Variants in PLCE1 observed in about 807,000 individuals in gnomAD.
PLCE1 encodes phospholipase C epsilon 1.
Under a neutral mutation model 242.8 loss-of-function variants are expected in PLCE1, and 119 were observed. The ratio of observed to expected loss-of-function variants is 0.49; its 90% CI spans 0.42 to 0.57. The LOEUF (loss-of-function observed/expected upper bound fraction) is 0.57. PLCE1 is among the 20% of genes least tolerant of loss of function. The pLI is 0.00. For missense variants in PLCE1, 2,441 were observed against 2,788.8 expected (o/e 0.88, Z 2.81); for synonymous variants, 945 against 1,017.4 (o/e 0.93, Z 1.35).
chr10:94,298,503 C>T lies in PLCE1; in HGVS notation c.5292C>T (p.Ala1764=), dbSNP rs755746574. The change falls in exon 24 of 33, where the codon GCC becomes GCT. Residue 1764 remains alanine, a synonymous_variant. Transcript: ENST00000371380. This position sits in a 1 kb window ranked among gnomAD's most constrained non-coding sequence, Gnocchi z 5.2. ...CYHISSLNEN[A]AKRLCRRYSQ... is the part of the protein sequence containing the mutation. The stretch of plus-strand genomic sequence containing the variant: ...ATATCTCGTCGCTGAATGAAAATGC[C>T]GCCAAACGTCTGTGTCGCAGGTATT... The T allele has an allele frequency of 3.1e-6, 5 of 1,614,000 alleles. No homozygotes were observed. Among genetic ancestry groups the T allele is most frequent in the South Asian group, 2.2e-5 (2 of 91,072 alleles).
At chr10:94,186,499 TTAAC>T (rs2048483427) in intron 4 of PLCE1, among the ~76,000 whole-genome samples, 1 of 152,258 alleles carries the variant, frequency 6.6e-6, no homozygotes, top group African/African-American at 2.4e-5. Context: ...CTGTATTGAA[TTAAC>T]TAACACTCTA....
At chr10:94,321,820 A>C (rs1435635291) in intron 29 of PLCE1, 81 bp from the exon 30 acceptor site, 8 of 1,017,390 alleles carry the variant, frequency 7.9e-6, no homozygotes, top group Non-Finnish European at 1.2e-5. Context: ...CCAAGATACA[A>C]GCTCAGATTT....
intron 4 of PLCE1, among the ~76,000 whole-genome samples, chr10:94,216,661 C>T (rs1475921516): frequency 1.3e-5 from 2 of 152,036 alleles, no homozygotes; most frequent in African/African-American, 4.8e-5. Context: ...ACACATTCTT[C>T]TCTAATTCAG....
intron 20 of PLCE1, 47 bp downstream of exon 20, chr10:94,279,958 G>A (rs1178805174): frequency 6.3e-7 from 1 of 1,596,466 alleles, no homozygotes; most frequent in Non-Finnish European, 8.6e-7. Context: ...ATTCTTGGAT[G>A]ATTTGCCACA....
intron 4 of PLCE1, among the ~76,000 whole-genome samples, chr10:94,176,736 T>C (rs1367765097): frequency 6.6e-6 from 1 of 152,186 alleles, no homozygotes; most frequent in African/African-American, 2.4e-5. Context: ...CAGTGTACTG[T>C]GGTAGATATG....
At chr10:94,236,831 A>C (rs1006290020) in intron 7 of PLCE1, among the ~76,000 whole-genome samples, 1 of 152,174 alleles carries the variant, frequency 6.6e-6, no homozygotes, top group Non-Finnish European at 1.5e-5. Context: ...AAAGCCTCTC[A>C]GAGCCATTTA....
chr10:94,232,701 T>C (rs1373592977), intron 5 of PLCE1, among the ~76,000 whole-genome samples: 7 of 152,176 alleles, frequency 4.6e-5, no homozygotes, highest in Non-Finnish European at 8.8e-5. Flanking sequence ...TCTGCTAGGG[T>C]CGCCTCATTT....
intron 28 of PLCE1, 73 bp from the exon 29 acceptor site, chr10:94,316,474 T>C (rs766648019): frequency 2.1e-6 from 2 of 936,982 alleles, no homozygotes; most frequent in African/African-American, 1.6e-5. Context: ...AGCAAACCTA[T>C]CTGAACACCA....
chr10:94,106,651 G>A (rs2135556486), intron 2 of PLCE1, among the ~76,000 whole-genome samples: 1 of 152,188 alleles, frequency 6.6e-6, no homozygotes, highest in East Asian at 1.9e-4. Context: ...CACAAATAGT[G>A]TCTTGCAGTT....
Position 94,179,512 on chromosome 10 carries a change from G to GTTTTTTTTTGTTTTTTGT in PLCE1, c.1809+8025_1809+8026insGTTTTTTGTTTTTTTTTT, listed in dbSNP as rs750384818. 2.6e-4 allele frequency among the ~76,000 whole-genome samples: 5 copies of GTTTTTTTTTGTTTTTTGT among 19,396 alleles called. 1 individual carries two copies. Among genetic ancestry groups the GTTTTTTTTTGTTTTTTGT allele is most frequent in the Admixed American group, 8.8e-4 (1 of 1,132 alleles). 12.7% of individuals were successfully genotyped at this position (19,396 alleles called of 152,430 possible). A position where few individuals can be genotyped will look rare whatever the true frequency, so the allele number is the denominator to read the frequency against. On this transcript the variant is annotated intron_variant, in intron 4 of 32. Transcript: ENST00000371380. ...TTTATCTTATTTTTATTTTAGTTTAGTTTTTTTTTTTTTTTTTTGACAGGG... is the reference window on the plus strand; with the variant it reads ...TTTATCTTATTTTTATTTTAGTTTAGTTTTTTTTTGTTTTTTGTTTTTTTTTTTTTTTTTTTGACAGGG...
chr10:94,248,669 GAA>G (rs61637083), intron 8 of PLCE1, among the ~76,000 whole-genome samples: 37 of 143,388 alleles, frequency 2.6e-4, no homozygotes, highest in Middle Eastern at 7.2e-3. Flanking sequence ...TACTCAGCTG[GAA>G]AAAAAAAAAA....
intron 1 of PLCE1, among the ~76,000 whole-genome samples, chr10:94,024,370 T>C (rs1319572923): frequency 6.6e-6 from 1 of 152,176 alleles, no homozygotes; most frequent in Non-Finnish European, 1.5e-5. Context: ...AATTACTGAG[T>C]AACTTTTACT....
intron 4 of PLCE1, among the ~76,000 whole-genome samples, chr10:94,201,576 C>T (rs1038361327): frequency 9.9e-5 from 15 of 152,266 alleles, no homozygotes; most frequent in African/African-American, 3.1e-4. Flanking sequence ...CCTGGGTTCA[C>T]GCCATTCTCC....
At chr10:94,206,180 G>C (rs1215772647) in intron 4 of PLCE1, among the ~76,000 whole-genome samples, 1 of 152,182 alleles carries the variant, frequency 6.6e-6, no homozygotes, top group African/African-American at 2.4e-5. Flanking sequence ...TTTGAGTAAA[G>C]AAGGGAGGGT....
intron 4 of PLCE1, among the ~76,000 whole-genome samples, chr10:94,222,379 G>A (rs550691203): frequency 7.9e-5 from 12 of 152,010 alleles, no homozygotes; most frequent in African/African-American, 1.9e-4. Flanking sequence ...TCACTCCTTC[G>A]CTGACTCTTG....
intron 3 of PLCE1, among the ~76,000 whole-genome samples, chr10:94,136,208 A>G (rs1325032465): frequency 6.6e-6 from 1 of 152,208 alleles, no homozygotes; most frequent in Non-Finnish European, 1.5e-5. Flanking sequence ...GACCTTAAGT[A>G]GAAAGGTGGT....
intron 2 of PLCE1, among the ~76,000 whole-genome samples, chr10:94,041,807 GTGTT>G: frequency 6.6e-6 from 1 of 152,170 alleles, no homozygotes; most frequent in South Asian, 2.1e-4. Flanking sequence ...GGTTTGGAAG[GTGTT>G]TGTCTAGTTC....
rs879419941 is a variant in PLCE1 at position 94,090,172 on chromosome 10, TA to T, written c.1207-41991del. On this transcript the variant is annotated intron_variant, in intron 2 of 32. Coordinates refer to ENST00000371380, the MANE Select transcript of PLCE1 (RefSeq NM_016341.4). Reference sequence around the variant, plus strand: ...CATTTCCAAATTCTGTTGCTTTTCTTAAAAAAAAAAAGGAGTTAAAAATAAC... The same window carrying T: ...CATTTCCAAATTCTGTTGCTTTTCTTAAAAAAAAAAGGAGTTAAAAATAAC... 2.2e-3 allele frequency among the ~76,000 whole-genome samples: 315 copies of T among 144,616 alleles called. 3 individuals are homozygous for T. Among genetic ancestry groups the T allele is most frequent in the African/African-American group, 4.6e-3 (182 of 39,650 alleles). 94.9% of individuals were successfully genotyped at this position (144,616 alleles called of 152,430 possible). A position where few individuals can be genotyped will look rare whatever the true frequency, so the allele number is the denominator to read the frequency against.
chr10:94,172,653 C>T (rs950062986), intron 4 of PLCE1, among the ~76,000 whole-genome samples: 2 of 152,080 alleles, frequency 1.3e-5, no homozygotes, highest in Non-Finnish European at 2.9e-5. Flanking sequence ...ATAGCAAGAC[C>T]TTGTCAGTAC....
Sources: allele counts gnomAD v4.1 joint callset (sites outside exome capture counted in the v4.1 genomes callset), GRCh38; gene constraint gnomAD v4.1.1; non-coding constraint Gnocchi (gnomAD v3.1); transcripts MANE v1.5; gene names NCBI Gene and HGNC (gene_info 2026-07-23, HGNC 2026-07-21).